WWOX: variants seen among roughly 807,000 people sequenced by gnomAD.
WWOX encodes the protein WW domain-containing oxidoreductase.
In WWOX, 69 loss-of-function variants were observed where a neutral mutation model predicts 46.2. That is an observed-to-expected ratio of 1.49 (90% CI 1.23 to 1.82). The LOEUF is 1.82. WWOX is among the 40% of genes most tolerant of loss of function. The probability of loss-of-function intolerance (pLI) is 0.00; values close to 1 mark genes in which losing one functional copy is unlikely to be tolerated. For synonymous variants in WWOX, 359 were observed against 202.6 expected (o/e 1.77, Z -6.56); for missense variants, 919 against 542.6 (o/e 1.69, Z -6.89).
intron 8 of WWOX, among the ~76,000 whole-genome samples, chr16:78,516,336 A>G (rs2043235289): frequency 6.6e-6 from 1 of 152,174 alleles, no homozygotes; most frequent in Non-Finnish European, 1.5e-5. Context: ...CTGGACGGTC[A>G]CAAACATACC....
At chr16:78,153,177 A>T (rs1462640394) in intron 4 of WWOX, among the ~76,000 whole-genome samples, 1 of 152,194 alleles carries the variant, frequency 6.6e-6, no homozygotes, top group East Asian at 1.9e-4. Context: ...TCAGGTAATC[A>T]AAGTAACTAC....
chr16:79,176,112 T>A (rs1487019003), intron 8 of WWOX, among the ~76,000 whole-genome samples: 6 of 152,208 alleles, frequency 3.9e-5, no homozygotes, highest in Non-Finnish European at 8.8e-5. Flanking sequence ...TGCACACCTG[T>A]GTTGCAAATG....
chr16:78,486,763 A>G (rs2084647856), intron 8 of WWOX, among the ~76,000 whole-genome samples: 1 of 152,114 alleles, frequency 6.6e-6, no homozygotes, highest in African/African-American at 2.4e-5. Context: ...CAGTTGAGAT[A>G]AGGGTTTACT....
At chr16:78,192,584 A>G (rs2035918327) in intron 5 of WWOX, among the ~76,000 whole-genome samples, 1 of 152,140 alleles carries the variant, frequency 6.6e-6, no homozygotes, top group African/African-American at 2.4e-5. Context: ...TGTGGCACAC[A>G]TTATAGTGTC....
chr16:78,789,219 C>T (rs1247737952), intron 8 of WWOX, among the ~76,000 whole-genome samples: 2 of 152,096 alleles, frequency 1.3e-5, no homozygotes, highest in Non-Finnish European at 2.9e-5. Flanking sequence ...AACATGGTTT[C>T]AGAAAAGAGT....
intron 8 of WWOX, among the ~76,000 whole-genome samples, chr16:78,918,858 C>A (rs2045311756): frequency 6.6e-6 from 1 of 152,170 alleles, no homozygotes; most frequent in African/African-American, 2.4e-5. Flanking sequence ...ATCCGTCGTT[C>A]CAAATATGAG....
chr16:78,356,446 A>C (rs986592437), intron 5 of WWOX, among the ~76,000 whole-genome samples: 9 of 152,158 alleles, frequency 5.9e-5, no homozygotes, highest in African/African-American at 2.2e-4. Flanking sequence ...CTCAGTCCCC[A>C]GGCAGGAAGG....
intron 8 of WWOX, among the ~76,000 whole-genome samples, chr16:79,015,362 C>G (rs540572162): frequency 6.6e-6 from 1 of 152,298 alleles, no homozygotes; most frequent in Admixed American, 6.5e-5. Flanking sequence ...CTTCCACATG[C>G]TTTTTGATTT....
chr16:79,042,244 C>A (rs938031394), intron 8 of WWOX, among the ~76,000 whole-genome samples: 1 of 152,172 alleles, frequency 6.6e-6, no homozygotes, highest in African/African-American at 2.4e-5. Context: ...CTCTCTTACA[C>A]CCTCCCAAAA....
intron 5 of WWOX, among the ~76,000 whole-genome samples, chr16:78,359,294 T>G (rs1273000523): frequency 1.3e-5 from 2 of 152,156 alleles, no homozygotes; most frequent in Non-Finnish European, 2.9e-5. Flanking sequence ...TTTAAATAAG[T>G]TTTGAACAAA....
chr16:78,781,766 C>T (rs1567555618), intron 8 of WWOX, among the ~76,000 whole-genome samples: 2 of 152,110 alleles, frequency 1.3e-5, no homozygotes, highest in Non-Finnish European at 2.9e-5. Context: ...CAGAGCGAGG[C>T]TCCATCTCAA....
At chr16:79,031,923 T>G (rs374000667) in intron 8 of WWOX, among the ~76,000 whole-genome samples, 20,930 of 67,604 alleles carry the variant, frequency 0.31, 1,971 homozygotes, top group East Asian at 0.47. Flanking sequence ...TATCTATATA[T>G]ATAGATATCT....
chr16:78,300,107 GA>G (rs768784846), intron 5 of WWOX, among the ~76,000 whole-genome samples: 222 of 152,176 alleles, frequency 1.5e-3, no homozygotes, highest in Non-Finnish European at 1.3e-3. Flanking sequence ...GACATAGCTT[GA>G]TTTTTTTCCA....
intron 8 of WWOX, among the ~76,000 whole-genome samples, chr16:79,088,176 A>C (rs1409451552): frequency 6.6e-6 from 1 of 152,202 alleles, no homozygotes; most frequent in Admixed American, 6.5e-5. Context: ...ACTGGGCCTC[A>C]GCCAGGCTTG....
chr16:78,472,969 A>G (rs1024485312), intron 8 of WWOX, among the ~76,000 whole-genome samples: 1 of 152,186 alleles, frequency 6.6e-6, no homozygotes, highest in Admixed American at 6.5e-5. Context: ...GCCAAATCTG[A>G]TCTGCAGCCT....
intron 8 of WWOX, among the ~76,000 whole-genome samples, chr16:78,916,150 A>G (rs867416300): frequency 4.6e-5 from 7 of 152,268 alleles, no homozygotes; most frequent in Admixed American, 1.3e-4. Context: ...TGATAAAACA[A>G]TGCTCTCAGC....
chr16:78,238,221 A>T (rs1040821198), intron 5 of WWOX: 1 of 152,266 alleles, frequency 6.6e-6, no homozygotes, highest in Non-Finnish European at 1.5e-5. Context: ...TTGTATATTT[A>T]TAGCAAATTT....
At chr16:79,052,764 T>G (rs2048192871) in intron 8 of WWOX, among the ~76,000 whole-genome samples, 1 of 152,180 alleles carries the variant, frequency 6.6e-6, no homozygotes, top group Admixed American at 6.5e-5. Context: ...CTGCAGAAAG[T>G]AAAAATGGCC....
chr16:78,432,642 G>A lies in WWOX; in HGVS notation c.946G>A (p.Val316Ile). 6.2e-7 allele frequency: 1 copy of A among 1,614,226 alleles called. No individual in the cohort carries two copies. Among genetic ancestry groups the A allele is most frequent in the East Asian group, 2.2e-5 (1 of 44,884 alleles). ...GCACCGTCGCCTCTCCCCACGCGGG[G>A]TCACGTCGAACGCAGTGCATCCTGG... ...ELHRRLSPRGVTSNAVHPGNM... is the reference protein window; with the variant it reads ...ELHRRLSPRGITSNAVHPGNM... The change falls in exon 8 of 9, where the codon GTC becomes ATC. Residue 316 changes from valine (V) to isoleucine (I), a missense_variant. Coordinates refer to ENST00000566780, the MANE Select transcript of WWOX (RefSeq NM_016373.4).
Sources: gnomAD v4.1 joint callset for allele counts (sites outside exome capture counted in the v4.1 genomes callset) on GRCh38, gnomAD v4.1.1 for gene constraint, MANE v1.5 for transcripts, NCBI Gene and HGNC (gene_info 2026-07-23, HGNC 2026-07-21) for gene names.